TIMM17A: variants seen among roughly 807,000 people sequenced by gnomAD.
The protein encoded by TIMM17A is translocase of inner mitochondrial membrane 17A.
A neutral mutation model predicts 26.5 loss-of-function variants in TIMM17A; 15 were observed. That is an observed-to-expected ratio of 0.57 (90% confidence interval 0.38 to 0.87). The LOEUF is 0.87. Ranked by LOEUF, TIMM17A falls within the 40% of genes least tolerant of loss-of-function variation. The pLI is 0.00. For missense variants in TIMM17A, 201 were observed against 210.0 expected, an observed-to-expected ratio of 0.96 and a Z score of 0.27; for synonymous variants, 80 against 70.8, an observed-to-expected ratio of 1.13 and a Z score of -0.66.
intron 5 of TIMM17A, 69 bp downstream of exon 5, chr1:201,965,612 T>A (rs1042677972): frequency 3.0e-6 from 3 of 1,010,332 alleles, no homozygotes; most frequent in Non-Finnish European, 3.2e-6. Context: ...AGAAAGAACA[T>A]ACTTTGTGTG....
intron 3 of TIMM17A, among the ~76,000 whole-genome samples, chr1:201,958,346 G>T (rs1026113840): frequency 6.6e-6 from 1 of 152,184 alleles, no homozygotes; most frequent in African/African-American, 2.4e-5. Flanking sequence ...TGTAAACTTG[G>T]TTATTCAGAA....
intron 5 of TIMM17A, 110 bp downstream of exon 5, chr1:201,965,653 T>C (rs1354264228): frequency 1.3e-6 from 1 of 777,498 alleles, no homozygotes; most frequent in African/African-American, 1.7e-5. Flanking sequence ...TAATATGCTG[T>C]GGTTCATGAG....
At chr1:201,955,648 C>A in intron 1 of TIMM17A, 96 bp downstream of exon 1, 1 of 1,553,780 alleles carries the variant, frequency 6.4e-7, no homozygotes, top group Non-Finnish European at 8.9e-7. Flanking sequence ...CCAGACTCAA[C>A]CGCAGCCTCG....
chr1:201,963,868 A>G, intron 4 of TIMM17A, 124 bp downstream of exon 4: 3 of 1,116,012 alleles, frequency 2.7e-6, no homozygotes, highest in South Asian at 2.1e-5. Flanking sequence ...GCTCATGACT[A>G]TAATTCCATC....
chr1:201,965,304 C>T (rs2102945220), intron 4 of TIMM17A, 129 bp from the exon 5 acceptor site: 1 of 668,584 alleles, frequency 1.5e-6, no homozygotes, highest in South Asian at 1.8e-5. Context: ...GACTCTGGGT[C>T]TTAGGCAATA....
At position 201,957,690 on chromosome 1, in the gene TIMM17A, A is replaced by G. The variant is rs1682440888; in HGVS notation, c.190+116A>G. On this transcript the variant is annotated intron_variant, in intron 3 of 5. Coordinates refer to ENST00000367287, the MANE Select transcript of TIMM17A (RefSeq NM_006335.3). ...TTTTAGTTTGGTCTAACGGTTTGTC[A>G]CAAACATATATCCCTATAGTTTCTT... 7 of 802,436 alleles carry G rather than the reference A, an allele frequency of 8.7e-6. No homozygotes were observed. The South Asian group carries it at 1.0e-4, about 12-fold the overall frequency. 49.7% of individuals were successfully genotyped at this position (802,436 alleles called of 1,614,324 possible). A position where few individuals can be genotyped will look rare whatever the true frequency, so the allele number is the denominator to read the frequency against.
At chr1:201,958,368 G>C (rs1401149260) in intron 3 of TIMM17A, among the ~76,000 whole-genome samples, 1 of 152,206 alleles carries the variant, frequency 6.6e-6, no homozygotes, top group Non-Finnish European at 1.5e-5. Flanking sequence ...CTGGGAAAAG[G>C]GAGGTGACAA....
Position 201,955,540 on chromosome 1 carries a change from C to T in TIMM17A, c.14C>T (p.Ala5Val), listed in dbSNP as rs916758507. The change falls in exon 1 of 6, where the codon GCG (alanine) becomes GTG (valine). Residue 5 changes from alanine to valine, a missense_variant. Physicochemically the swap from Ala to Val is moderately conservative, Grantham distance 64. Transcript: ENST00000367287. Reference protein sequence around the residue: MEEYAREPCPWRIVD... With the variant: MEEYVREPCPWRIVD... ...ATTGGAGTCAAGATGGAGGAGTACG[C>T]GCGAGAGCCTTGGTGAGCTTCACCG... is the stretch of plus-strand genomic sequence containing the variant. 4 of 1,614,146 alleles carry T rather than the reference C, an allele frequency of 2.5e-6. No individual in the cohort carries two copies. The highest frequency in any genetic ancestry group is 1.7e-5 in the Admixed American group (1 of 60,016).
intron 1 of TIMM17A, 26 bp downstream of exon 1, chr1:201,955,578 T>A (rs368534499): frequency 2.2e-5 from 35 of 1,614,208 alleles, no homozygotes; most frequent in Non-Finnish European, 2.9e-5. Context: ...GTCTTTGCAT[T>A]TCTCTTGCCC....
chr1:201,968,954 C>A (rs1682685793), intron 5 of TIMM17A, among the ~76,000 whole-genome samples: 1 of 151,520 alleles, frequency 6.6e-6, no homozygotes, highest in Admixed American at 6.6e-5. Flanking sequence ...ATGAAAACTG[C>A]AAGACTTTGT....
At chr1:201,961,430 C>T (rs2102943100) in intron 3 of TIMM17A, among the ~76,000 whole-genome samples, 1 of 152,274 alleles carries the variant, frequency 6.6e-6, no homozygotes, top group Middle Eastern at 3.4e-3. Context: ...TACTCTTTGA[C>T]CACTTTCTTG....
intron 1 of TIMM17A, among the ~76,000 whole-genome samples, chr1:201,955,789 A>G (rs1682398999): frequency 6.6e-6 from 1 of 152,206 alleles, no homozygotes; most frequent in Non-Finnish European, 1.5e-5. Flanking sequence ...CTTGTGATGG[A>G]TGGTAAGGAG....
intron 1 of TIMM17A, 57 bp downstream of exon 1, chr1:201,955,609 C>T (rs1370287023): frequency 6.2e-7 from 1 of 1,612,132 alleles, no homozygotes; most frequent in Non-Finnish European, 8.5e-7. Context: ...TGCCCTCCTT[C>T]TCCCTTGTCC....
intron 5 of TIMM17A, among the ~76,000 whole-genome samples, chr1:201,968,158 G>A (rs1682669843): frequency 6.9e-6 from 1 of 145,226 alleles, no homozygotes; most frequent in Non-Finnish European, 1.5e-5. Flanking sequence ...CATCACACCT[G>A]GCTCATTTTT....
Position 201,957,393 on chromosome 1 carries a change from A to G in TIMM17A, c.126+13A>G. The G allele has an allele frequency of 1.2e-6, 2 of 1,606,482 alleles. No homozygotes were observed. Among genetic ancestry groups the G allele is most frequent in the Non-Finnish European group, 8.5e-7 (1 of 1,173,274 alleles). ...CAATTCTCCAGTGGTAAGTGGGTGA[A>G]TGGTCTTATTTTATCATCACTTGCA... On this transcript the variant is annotated intron_variant, in intron 2 of 5. Coordinates refer to ENST00000367287, the MANE Select transcript of TIMM17A (RefSeq NM_006335.3).
intron 3 of TIMM17A, 108 bp downstream of exon 3, chr1:201,957,682 G>A (rs1300027984): frequency 6.5e-6 from 6 of 928,228 alleles, no homozygotes; most frequent in East Asian, 2.6e-5. Context: ...TTGGTCTAAC[G>A]GTTTGTCACA....
intron 5 of TIMM17A, among the ~76,000 whole-genome samples, chr1:201,966,991 T>TTATGTGTGTGTGTGTGTGTGTGTGTGTG (rs572223784): frequency 8.3e-5 from 11 of 133,090 alleles, no homozygotes; most frequent in Non-Finnish European, 1.6e-4. Context: ...ATTATATATG[T>TTATGTGTGTGTGTGTGTGTGTGTGTGTG]TGTGTGTGTG....
chr1:201,966,900 TTATA>T (rs1283693343), intron 5 of TIMM17A, among the ~76,000 whole-genome samples: 2 of 147,248 alleles, frequency 1.4e-5, no homozygotes, highest in Admixed American at 1.4e-4. Flanking sequence ...ATGTTATATA[TTATA>T]TATGTTATAT....
intron 5 of TIMM17A, among the ~76,000 whole-genome samples, chr1:201,968,882 C>CTT (rs34417220): frequency 3.1e-4 from 45 of 144,436 alleles, no homozygotes; most frequent in Middle Eastern, 3.5e-3. Context: ...CCCTAAAAGT[C>CTT]TTTTTTTTTT....
Sources: allele counts gnomAD v4.1 joint callset (sites outside exome capture counted in the v4.1 genomes callset), GRCh38; gene constraint gnomAD v4.1.1; transcripts MANE v1.5; gene names NCBI Gene and HGNC (gene_info 2026-07-23, HGNC 2026-07-21).